Variants in SDC4 observed in about 807,000 individuals in gnomAD.
The protein encoded by SDC4 is syndecan-4.
In SDC4, 17 loss-of-function variants were observed where a neutral mutation model predicts 20.5. The ratio of observed to expected loss-of-function variants is 0.83; its 90% CI spans 0.57 to 1.25. SDC4 has a LOEUF of 1.25. Ranked by LOEUF, SDC4 falls within the 50% of genes most tolerant of loss-of-function variation. SDC4 has a pLI of 0.00. For synonymous variants in SDC4, 107 were observed against 105.3 expected, an observed-to-expected ratio of 1.02 and a Z score of -0.10; for missense variants, 241 against 252.3, an observed-to-expected ratio of 0.96 and a Z score of 0.30.
intron 2 of SDC4, among the ~76,000 whole-genome samples, chr20:45,334,618 A>G (rs1238803940): frequency 2.6e-5 from 4 of 151,742 alleles, no homozygotes. Flanking sequence ...CCTCCCAAGT[A>G]GCTGGGATTA....
Position 45,335,870 on chromosome 20 carries a change from G to A in SDC4, c.111C>T (p.Tyr37=). The A allele has an allele frequency of 6.2e-7, 1 of 1,614,016 alleles. No individual in the cohort carries two copies. The highest frequency in any genetic ancestry group is 1.1e-5 in the South Asian group (1 of 91,084). The part of the protein sequence containing the change: ...IDPQDLLEGR[Y]FSGALPDDED... The stretch of plus-strand genomic sequence containing the variant: ...CATCGTCTGGTAGGGCTCCGGAGAA[G>A]TATCGGCCTTCTAGGAGGTCCTGGG... Residue 37 remains tyrosine, a synonymous_variant, in exon 2 of 5, where the codon TAC becomes TAT. Transcript: ENST00000372733.
rs1987758348 is a variant in SDC4, at chr20:45,330,404, T to C, written c.407A>G (p.Gln136Arg). The C allele has an allele frequency of 6.2e-7, 1 of 1,614,214 alleles. No individual in the cohort carries two copies. The highest frequency in any genetic ancestry group is 8.5e-7 in the Non-Finnish European group (1 of 1,180,032). Residue 136 changes from glutamine (Q) to arginine (R), a missense_variant, in exon 4 of 5, where the codon CAG (glutamine) becomes CGG (arginine). Physicochemically the swap from Gln to Arg is conservative, Grantham distance 43. Transcript: ENST00000372733. The stretch of plus-strand genomic sequence containing the variant: ...CGTTCTCTCAAAGATGTTGCTGCCC[T>C]GCACAGTGCTGGACATTGACACCTT... ...SNKVSMSSTVQGSNIFERTEV... is the reference protein window; with the variant it reads ...SNKVSMSSTVRGSNIFERTEV...
intron 1 of SDC4, among the ~76,000 whole-genome samples, chr20:45,336,370 G>A (rs900315192): frequency 5.3e-5 from 8 of 152,196 alleles, no homozygotes; most frequent in East Asian, 1.9e-4. Context: ...CCAGGATCAC[G>A]CCGTTGCACT....
intron 2 of SDC4, 83 bp downstream of exon 2, chr20:45,335,699 C>G: frequency 6.8e-7 from 1 of 1,466,092 alleles, no homozygotes; most frequent in East Asian, 2.3e-5. Context: ...ATCCAAGTCT[C>G]AAGGCATGGT....
intron 3 of SDC4, among the ~76,000 whole-genome samples, chr20:45,332,757 G>T (rs1453423139): frequency 6.6e-6 from 1 of 151,888 alleles, no homozygotes; most frequent in East Asian, 2.0e-4. Flanking sequence ...ACCACACCTG[G>T]CTAATTTTTG....
intron 1 of SDC4, among the ~76,000 whole-genome samples, chr20:45,336,367 C>T (rs1486250375): frequency 6.6e-6 from 1 of 152,194 alleles, no homozygotes; most frequent in Non-Finnish European, 1.5e-5. Flanking sequence ...AAGCCAGGAT[C>T]ACGCCGTTGC....
intron 1 of SDC4, among the ~76,000 whole-genome samples, chr20:45,339,524 G>A (rs147550049): frequency 0.013 from 1,949 of 152,332 alleles, 43 homozygotes; most frequent in African/African-American, 0.045. Flanking sequence ...CAAGGTGGGA[G>A]GCTCACTTGA....
At chr20:45,342,241 T>C (rs1169882798) in intron 1 of SDC4, among the ~76,000 whole-genome samples, 1 of 152,182 alleles carries the variant, frequency 6.6e-6, no homozygotes, top group African/African-American at 2.4e-5. Context: ...GCTGGCTTCC[T>C]GCCTCTTCCC....
chr20:45,343,105 G>A (rs1987978604), intron 1 of SDC4, among the ~76,000 whole-genome samples: 1 of 152,164 alleles, frequency 6.6e-6, no homozygotes, highest in African/African-American at 2.4e-5. Context: ...CCAGCCTTCA[G>A]CAGATGGGAC....
At chr20:45,338,801 C>A (rs535410552) in intron 1 of SDC4, among the ~76,000 whole-genome samples, 1 of 152,152 alleles carries the variant, frequency 6.6e-6, no homozygotes, top group Non-Finnish European at 1.5e-5. Context: ...AAAAAAGAAA[C>A]TAGTCTAGTC....
rs967265392 is a variant in SDC4 at position 45,333,190 on chromosome 20, C to T, written c.200-121G>A. 1.5e-4 allele frequency: 127 copies of T among 875,010 alleles called. 1 individual carries two copies. The African/African-American group carries it at 1.7e-3, about 12-fold the overall frequency. The allele number at this position is 875,010 out of a possible 1,614,324, so 54.2% of individuals were successfully genotyped here. A position where few individuals can be genotyped will look rare whatever the true frequency, so the allele number is the denominator to read the frequency against. ...TTCCAAATGCTCAATGTCCAGCAAG[C>T]GAGCTTCCCCACCCCTACTTCAGTC... On this transcript the variant is annotated intron_variant, in intron 2 of 4. Transcript: ENST00000372733.
Position 45,332,160 on chromosome 20 carries a change from CT to C in SDC4, c.246+862del, listed in dbSNP as rs60632364. On this transcript the variant is annotated intron_variant, in intron 3 of 4. Coordinates refer to ENST00000372733, the MANE Select transcript of SDC4 (RefSeq NM_002999.4). ...CAGTTCATAGAATTATATATATATA[CT>C]TTTTTTTTTTTTTTTTGAGAGGGAG... 6.6e-3 allele frequency among the ~76,000 whole-genome samples: 923 copies of C among 140,078 alleles called. 10 individuals are homozygous for C. Among genetic ancestry groups the C allele is most frequent in the African/African-American group, 0.021 (799 of 37,958 alleles). The allele number at this position is 140,078 out of a possible 152,430, so 91.9% of individuals were successfully genotyped here.
chr20:45,327,496 C>A, intron 4 of SDC4, 81 bp from the exon 5 acceptor site: 1 of 1,450,990 alleles, frequency 6.9e-7, no homozygotes, highest in South Asian at 1.3e-5. Context: ...CCCCCACTGT[C>A]AGTTCTCTTA....
chr20:45,334,080 T>C (rs1987823765), intron 2 of SDC4, among the ~76,000 whole-genome samples: 1 of 151,968 alleles, frequency 6.6e-6, no homozygotes, highest in Non-Finnish European at 1.5e-5. Flanking sequence ...CTGCAACCTC[T>C]GCCTCCTGGG....
intron 2 of SDC4, 102 bp downstream of exon 2, chr20:45,335,680 C>T: frequency 1.6e-6 from 2 of 1,266,254 alleles, no homozygotes; most frequent in East Asian, 2.3e-5. Flanking sequence ...TAGGAAAAGT[C>T]CCACAAAAAT....
At chr20:45,330,925 T>C (rs1010131403) in intron 3 of SDC4, among the ~76,000 whole-genome samples, 6 of 152,230 alleles carry the variant, frequency 3.9e-5, no homozygotes, top group Non-Finnish European at 7.3e-5. Context: ...GAAACTCTAT[T>C]GTAAGGAGCT....
chr20:45,338,394 A>G (rs1245900935), intron 1 of SDC4, among the ~76,000 whole-genome samples: 1 of 152,184 alleles, frequency 6.6e-6, no homozygotes, highest in Non-Finnish European at 1.5e-5. Context: ...GGAGAAAGAA[A>G]GAATGGTACA....
rs906595150 is a variant in SDC4 at position 45,335,863 on chromosome 20, C to T, written c.118G>A (p.Gly40Arg). ...QDLLEGRYFS[G>R]ALPDDEDVVG... ...ACATCCTCATCGTCTGGTAGGGCTC[C>T]GGAGAAGTATCGGCCTTCTAGGAGG... The change falls in exon 2 of 5, where the codon GGA (glycine) becomes AGA (arginine). Residue 40 changes from glycine to arginine, a missense_variant. Physicochemically the swap from Gly to Arg is moderately radical, Grantham distance 125. Transcript: ENST00000372733. The T allele has an allele frequency of 1.6e-5, 26 of 1,613,834 alleles. No individual in the cohort carries two copies. Among genetic ancestry groups the T allele is most frequent in the Middle Eastern group, 1.6e-4 (1 of 6,082 alleles).
At chr20:45,344,979 A>C (rs1223447056) in intron 1 of SDC4, 1 of 152,224 alleles carries the variant, frequency 6.6e-6, no homozygotes, top group African/African-American at 2.4e-5. Flanking sequence ...CCCTATCAGA[A>C]GGACCTGGTT....
Sources: allele counts gnomAD v4.1 joint callset (sites outside exome capture counted in the v4.1 genomes callset), GRCh38; gene constraint gnomAD v4.1.1; transcripts MANE v1.5; gene names NCBI Gene and HGNC (gene_info 2026-07-23, HGNC 2026-07-21).